Variants in THEMIS observed in about 807,000 individuals in gnomAD.
THEMIS encodes the protein protein THEMIS.
THEMIS carries 37 observed loss-of-function variants against 52.6 expected under a neutral mutation model. The observed-to-expected ratio is 0.70, with a 90% confidence interval of 0.54 to 0.93. The LOEUF (loss-of-function observed/expected upper bound fraction) is 0.93, where lower values mean the gene tolerates loss of function less well. Among genes scored for constraint, THEMIS ranks in the 40% least tolerant of loss-of-function variants. The pLI is 0.00. For missense variants in THEMIS, 808 were observed against 763.1 expected, an observed-to-expected ratio of 1.06 and a Z score of -0.69; for synonymous variants, 292 against 272.7, an observed-to-expected ratio of 1.07 and a Z score of -0.70.
intron 4 of THEMIS, among the ~76,000 whole-genome samples, chr6:127,757,727 C>T (rs1230487674): frequency 6.6e-6 from 1 of 152,112 alleles, no homozygotes; most frequent in East Asian, 1.9e-4. Context: ...TCGTGATTGG[C>T]CCGCCTCGGC....
intron 5 of THEMIS, among the ~76,000 whole-genome samples, chr6:127,718,914 T>A (rs757338260): frequency 1.5e-4 from 23 of 151,852 alleles, no homozygotes; most frequent in Admixed American, 5.9e-4. Context: ...AGAGACTTTA[T>A]CTAGTATTTT....
At chr6:127,779,668 A>G (rs1776679822) in intron 4 of THEMIS, among the ~76,000 whole-genome samples, 1 of 152,180 alleles carries the variant, frequency 6.6e-6, no homozygotes, top group Non-Finnish European at 1.5e-5. Context: ...GAAGCTCAAA[A>G]TTCATTTTTA....
intron 4 of THEMIS, among the ~76,000 whole-genome samples, chr6:127,782,021 G>C (rs1237379504): frequency 6.6e-6 from 1 of 152,080 alleles, no homozygotes; most frequent in Non-Finnish European, 1.5e-5. Flanking sequence ...GAGGCAGTCT[G>C]GCTACAGCAG....
At chr6:127,863,894 A>G (rs1232080570) in intron 1 of THEMIS, among the ~76,000 whole-genome samples, 2 of 152,202 alleles carry the variant, frequency 1.3e-5, no homozygotes, top group African/African-American at 4.8e-5. Context: ...TAGAAAAAGT[A>G]CAAATGTCTT....
At chr6:127,863,552 G>T (rs891839374) in intron 1 of THEMIS, among the ~76,000 whole-genome samples, 1 of 152,134 alleles carries the variant, frequency 6.6e-6, no homozygotes, top group East Asian at 1.9e-4. Context: ...TAACATGTTT[G>T]AAGACAGCTG....
intron 4 of THEMIS, among the ~76,000 whole-genome samples, chr6:127,762,197 A>G (rs1776044910): frequency 6.6e-6 from 1 of 152,150 alleles, no homozygotes; most frequent in Non-Finnish European, 1.5e-5. Flanking sequence ...TGATGTATCT[A>G]AAACTAGGCA....
chr6:127,807,114 G>A lies in THEMIS; in HGVS notation c.1758+5769C>T, dbSNP rs145354386. ...GCAGTGGCTCATGCCTGTAATCCCA[G>A]CACTTTGGGAGGCCCAGGTGGGTGG... is the stretch of plus-strand genomic sequence containing the variant. On this transcript the variant is annotated intron_variant, in intron 4 of 5. Coordinates refer to ENST00000368248, the MANE Select transcript of THEMIS (RefSeq NM_001010923.3). 539 of 160,296 alleles carry A rather than the reference G, an allele frequency of 3.4e-3. 3 individuals are homozygous for A. The highest frequency in any genetic ancestry group is 0.012 in the African/African-American group (500 of 41,602). The allele number at this position is 160,296 out of a possible 1,614,324, so 9.9% of individuals were successfully genotyped here.
rs984134918 is a variant in THEMIS at position 127,773,110 on chromosome 6, A to C, written c.1758+39773T>G. Among the ~76,000 whole-genome samples the C allele has an allele frequency of 2.0e-5, 3 of 152,312 alleles. No individual in the cohort carries two copies. The South Asian group carries it at 6.2e-4, about 32-fold the overall frequency. ...GATAGAAAAATAATTTAGAAGCTAG[A>C]GATAATCCCAAGATTTTGCTGATAA... is the stretch of plus-strand genomic sequence containing the variant. On this transcript the variant is annotated intron_variant, in intron 4 of 5. Transcript: ENST00000368248.
intron 2 of THEMIS, 112 bp from the exon 3 acceptor site, chr6:127,830,046 T>C: frequency 1.3e-6 from 1 of 754,344 alleles, no homozygotes; most frequent in Non-Finnish European, 2.1e-6. Flanking sequence ...TTTAAAGTGA[T>C]ATCTTTTTAA....
At chr6:127,885,486 T>C (rs544611456) in intron 1 of THEMIS, among the ~76,000 whole-genome samples, 1 of 152,162 alleles carries the variant, frequency 6.6e-6, no homozygotes, top group East Asian at 1.9e-4. Context: ...TAAAAAAAAC[T>C]ATCTACTTTT....
At chr6:127,840,466 T>C (rs1168478334) in intron 2 of THEMIS, among the ~76,000 whole-genome samples, 1 of 152,152 alleles carries the variant, frequency 6.6e-6, no homozygotes, top group South Asian at 2.1e-4. Flanking sequence ...GAAACAAATG[T>C]ATCTAATATT....
chr6:127,871,829 C>A (rs2114386218), intron 1 of THEMIS, among the ~76,000 whole-genome samples: 1 of 152,158 alleles, frequency 6.6e-6, no homozygotes, highest in East Asian at 1.9e-4. Flanking sequence ...AAAAAGAAAT[C>A]TCCAGGCCCT....
chr6:127,908,289 T>C (rs113140111), intron 1 of THEMIS, among the ~76,000 whole-genome samples: 2,670 of 152,236 alleles, frequency 0.018, 85 homozygotes, highest in African/African-American at 0.06. Context: ...ACATTTTAGC[T>C]GACCATGCCC....
chr6:127,794,816 C>T (rs943341292), intron 4 of THEMIS, among the ~76,000 whole-genome samples: 13 of 152,170 alleles, frequency 8.5e-5, no homozygotes, highest in African/African-American at 3.1e-4. Flanking sequence ...TTTTATAGCA[C>T]TCTTAATGCT....
intron 1 of THEMIS, among the ~76,000 whole-genome samples, chr6:127,882,619 C>T (rs1393608975): frequency 1.3e-5 from 2 of 151,698 alleles, no homozygotes; most frequent in Non-Finnish European, 3.0e-5. Context: ...TGCTCTCTTT[C>T]CATTTAGTTG....
intron 1 of THEMIS, among the ~76,000 whole-genome samples, chr6:127,880,628 TG>T (rs1780455512): frequency 1.3e-5 from 2 of 149,306 alleles, no homozygotes; most frequent in East Asian, 2.0e-4. Flanking sequence ...ATTCACACAT[TG>T]TTTATGGGGC....
chr6:127,845,794 T>A (rs1209120305), intron 2 of THEMIS, among the ~76,000 whole-genome samples: 1 of 151,710 alleles, frequency 6.6e-6, no homozygotes, highest in Non-Finnish European at 1.5e-5. Context: ...ACCCAAAAAC[T>A]TAAAAAGAAT....
intron 1 of THEMIS, among the ~76,000 whole-genome samples, chr6:127,897,955 A>T (rs1189752446): frequency 6.6e-6 from 1 of 151,768 alleles, no homozygotes; most frequent in Non-Finnish European, 1.5e-5. Flanking sequence ...AAAATGAATG[A>T]ACTATATATA....
chr6:127,767,786 T>C (rs1776250882), intron 4 of THEMIS, among the ~76,000 whole-genome samples: 2 of 152,220 alleles, frequency 1.3e-5, no homozygotes, highest in Admixed American at 6.5e-5. Context: ...ATATGTACTA[T>C]ACTTTTATAC....
Sources: gnomAD v4.1 joint callset for allele counts (sites outside exome capture counted in the v4.1 genomes callset) on GRCh38, gnomAD v4.1.1 for gene constraint, MANE v1.5 for transcripts, NCBI Gene and HGNC (gene_info 2026-07-23, HGNC 2026-07-21) for gene names.